The following EIF4G3 variants were observed in gnomAD, a reference collection of about 807,000 sequenced individuals.
EIF4G3 encodes eIF-4-gamma 3.
In EIF4G3, 34 loss-of-function variants were observed where a neutral mutation model predicts 186.4. That is an observed-to-expected ratio of 0.18 (90% CI 0.14 to 0.24). The LOEUF is 0.24. Among genes scored for constraint, EIF4G3 ranks in the 10% least tolerant of loss-of-function variants. The pLI, the probability that EIF4G3 is intolerant of heterozygous loss-of-function variation, is 1.00. For missense variants in EIF4G3, 1,536 were observed against 1,948.5 expected (o/e 0.79, Z 3.99); for synonymous variants, 673 against 679.5 (o/e 0.99, Z 0.15).
intron 4 of EIF4G3, among the ~76,000 whole-genome samples, chr1:21,024,155 C>A (rs1238513891): frequency 2.2e-5 from 3 of 136,550 alleles, no homozygotes; most frequent in Admixed American, 1.4e-4. Flanking sequence ...TCACCCCGTC[C>A]GGGAGGGAGG....
At chr1:21,004,068 G>A (rs1315337039) in intron 4 of EIF4G3, 6 of 157,100 alleles carry the variant, frequency 3.8e-5, no homozygotes, top group African/African-American at 1.2e-4. Context: ...AAACATGGAT[G>A]AGAAAACTTG....
chr1:21,107,422 T>G (rs1443537290), intron 2 of EIF4G3, among the ~76,000 whole-genome samples: 1 of 152,108 alleles, frequency 6.6e-6, no homozygotes, highest in Non-Finnish European at 1.5e-5. Context: ...TCTGCCCGCC[T>G]CAGCTTCCCA....
At chr1:21,077,526 C>A (rs568884613) in intron 3 of EIF4G3, among the ~76,000 whole-genome samples, 1 of 150,720 alleles carries the variant, frequency 6.6e-6, no homozygotes, top group African/African-American at 2.4e-5. Context: ...GAAACACAAA[C>A]GAAAACCACA....
Position 21,117,506 on chromosome 1 carries a change from A to G in EIF4G3, c.-271-28293T>C, listed in dbSNP as rs112786795. Among the ~76,000 whole-genome samples the G allele has an allele frequency of 6.2e-3, 936 of 152,192 alleles. 8 individuals are homozygous for G. Among genetic ancestry groups the G allele is most frequent in the African/African-American group, 0.022 (901 of 41,542 alleles). ...TGCTTTGCATTGTTCATTATAAAAA[A>G]CTGAATTTTTCTTTTGCAACTATTT... On this transcript the variant is annotated intron_variant, in intron 2 of 36. Transcript: ENST00000602326.
At chr1:21,146,650 G>A (rs1368675544) in intron 2 of EIF4G3, among the ~76,000 whole-genome samples, 1 of 151,880 alleles carries the variant, frequency 6.6e-6, no homozygotes, top group Non-Finnish European at 1.5e-5. Context: ...CCAGCTACTA[G>A]GGAAGCTGAG....
At chr1:21,042,133 C>T (rs2093620957) in intron 4 of EIF4G3, among the ~76,000 whole-genome samples, 1 of 151,936 alleles carries the variant, frequency 6.6e-6, no homozygotes, top group South Asian at 2.1e-4. Context: ...ACGAGAGGCC[C>T]ACGCCGCCAT....
intron 3 of EIF4G3, chr1:21,073,626 C>T (rs1193027809): frequency 7.7e-6 from 4 of 518,400 alleles, no homozygotes; most frequent in South Asian, 2.8e-5. Flanking sequence ...TCTCCCTGGG[C>T]ACACGCCACA....
chr1:21,035,077 G>A (rs897659444), intron 4 of EIF4G3, among the ~76,000 whole-genome samples: 8 of 152,040 alleles, frequency 5.3e-5, no homozygotes, highest in Admixed American at 3.3e-4. Context: ...GCAGCAGTAG[G>A]ACCCCTGTGC....
chr1:21,147,629 C>T (rs1040478279), intron 2 of EIF4G3, among the ~76,000 whole-genome samples: 1 of 152,098 alleles, frequency 6.6e-6, no homozygotes, highest in Non-Finnish European at 1.5e-5. Flanking sequence ...CCGCACCCAA[C>T]CTTTGCTAAG....
intron 2 of EIF4G3, among the ~76,000 whole-genome samples, chr1:21,160,157 C>T (rs916706513): frequency 6.7e-6 from 1 of 149,210 alleles, no homozygotes; most frequent in Non-Finnish European, 1.5e-5. Context: ...CAGAAATCAA[C>T]CTGAAGGAAT....
chr1:20,939,847 GTTTTTTTTTTT>G (rs538504683), intron 14 of EIF4G3, among the ~76,000 whole-genome samples: 11 of 89,954 alleles, frequency 1.2e-4, no homozygotes, highest in Middle Eastern at 0.018. Flanking sequence ...AAGTTGTTTA[GTTTTTTTTTTT>G]TTTTTTTTTT....
intron 4 of EIF4G3, among the ~76,000 whole-genome samples, chr1:21,022,926 C>A (rs1571177372): frequency 6.6e-6 from 1 of 152,126 alleles, no homozygotes; most frequent in East Asian, 1.9e-4. Flanking sequence ...GAATAACAAG[C>A]TTTAAAGCAA....
intron 10 of EIF4G3, among the ~76,000 whole-genome samples, chr1:20,979,494 G>T (rs1435744936): frequency 6.6e-6 from 1 of 152,142 alleles, no homozygotes; most frequent in Non-Finnish European, 1.5e-5. Flanking sequence ...TACTAAGAAA[G>T]ACATTAACAA....
intron 14 of EIF4G3, among the ~76,000 whole-genome samples, chr1:20,937,017 T>C (rs1295082434): frequency 5.3e-5 from 8 of 151,894 alleles, no homozygotes; most frequent in Admixed American, 5.2e-4. Context: ...TTCCTGGGGG[T>C]GTAGAAGGGT....
intron 2 of EIF4G3, among the ~76,000 whole-genome samples, chr1:21,094,010 G>GA (rs2096280310): frequency 6.6e-6 from 1 of 152,044 alleles, no homozygotes; most frequent in African/African-American, 2.4e-5. Flanking sequence ...TGTAAATGAC[G>GA]AGTTAATGGG....
intron 2 of EIF4G3, among the ~76,000 whole-genome samples, chr1:21,112,611 T>A (rs1478325984): frequency 6.6e-6 from 1 of 152,202 alleles, no homozygotes; most frequent in Non-Finnish European, 1.5e-5. Context: ...TTATTTGGTT[T>A]TTCTGAGGTA....
At chr1:20,969,439 A>T in intron 12 of EIF4G3, 35 bp downstream of exon 12, 1 of 1,612,212 alleles carries the variant, frequency 6.2e-7, no homozygotes, top group Non-Finnish European at 8.5e-7. Flanking sequence ...TTAGTGAACA[A>T]ATAGTGCCAT....
chr1:20,916,750 C>G (rs961431436), intron 14 of EIF4G3, among the ~76,000 whole-genome samples: 41 of 152,052 alleles, frequency 2.7e-4, no homozygotes, highest in Middle Eastern at 3.4e-3. Context: ...GTATGAGCAA[C>G]AAGAAAAGAC....
intron 14 of EIF4G3, among the ~76,000 whole-genome samples, chr1:20,938,879 C>T (rs187057583): frequency 3.9e-3 from 598 of 152,044 alleles, no homozygotes; most frequent in Non-Finnish European, 5.9e-3. Context: ...GAGGCTGAGG[C>T]GGGCGGATCA....
Sources: allele counts gnomAD v4.1 joint callset (sites outside exome capture counted in the v4.1 genomes callset), GRCh38; gene constraint gnomAD v4.1.1; transcripts MANE v1.5; gene names NCBI Gene and HGNC (gene_info 2026-07-23, HGNC 2026-07-21).